The following EVC2 variants were observed in gnomAD, a reference collection of about 807,000 sequenced individuals.
The protein encoded by EVC2 is EvC ciliary complex subunit 2, also known as limbin.
In EVC2, 148 loss-of-function variants were observed where a neutral mutation model predicts 149.3. The observed-to-expected ratio is 0.99, with a 90% confidence interval of 0.87 to 1.14. The LOEUF (loss-of-function observed/expected upper bound fraction) is 1.14, where lower values mean the gene tolerates loss of function less well. Ranked by LOEUF, EVC2 falls within the 50% of genes most tolerant of loss-of-function variation. The pLI is 0.00. For missense variants in EVC2, 1,854 were observed against 1,627.3 expected, an observed-to-expected ratio of 1.14 and a Z score of -2.40; for synonymous variants, 776 against 649.9, an observed-to-expected ratio of 1.19 and a Z score of -2.95.
intron 16 of EVC2, among the ~76,000 whole-genome samples, chr4:5,591,592 G>A (rs1456534425): frequency 6.6e-6 from 1 of 152,198 alleles, no homozygotes; most frequent in African/African-American, 2.4e-5. Flanking sequence ...ATGAATAAAT[G>A]TGGGTGAAGT....
chr4:5,640,820 CA>C lies in EVC2; in HGVS notation c.1163del (p.Leu388ArgfsTer24), dbSNP rs1159674022. Reference sequence around the variant, plus strand: ...CCTCCAGATCTGCATCTGCCCGATTCAGGGTTGCAATCTCCAACCTAGGAAA... The same window carrying C: ...CCTCCAGATCTGCATCTGCCCGATTCGGGTTGCAATCTCCAACCTAGGAAA... ...QALEELEIAT[L>X]NRADADLEAC... On this transcript the variant is annotated frameshift_variant, in exon 10 of 22. Transcript: ENST00000344408. LOFTEE classifies it high-confidence loss of function. The surrounding 1 kb of genome is among the most constrained non-coding windows in gnomAD (Gnocchi z 4.6). 1 of 1,614,062 alleles carries C rather than the reference CA, an allele frequency of 6.2e-7. No homozygotes were observed. The highest frequency in any genetic ancestry group is 8.5e-7 in the Non-Finnish European group (1 of 1,180,042).
At chr4:5,573,114 C>T (rs747429397) in intron 19 of EVC2, among the ~76,000 whole-genome samples, 1 of 152,178 alleles carries the variant, frequency 6.6e-6, no homozygotes, top group African/African-American at 2.4e-5. Context: ...CCTGTTTGGA[C>T]ACTGTCACTC....
At chr4:5,706,785 T>A (rs1441315655) in intron 1 of EVC2, among the ~76,000 whole-genome samples, 1 of 151,986 alleles carries the variant, frequency 6.6e-6, no homozygotes. Flanking sequence ...GGGATGGGCG[T>A]GGGCAGGGCC....
At chr4:5,597,342 A>T (rs1182514786) in intron 16 of EVC2, among the ~76,000 whole-genome samples, 1 of 152,232 alleles carries the variant, frequency 6.6e-6, no homozygotes, top group Non-Finnish European at 1.5e-5. Flanking sequence ...AACCAAAGCC[A>T]GCAGCACATC....
At position 5,685,427 on chromosome 4, in the gene EVC2, G is replaced by A. The variant is rs746241303; in HGVS notation, c.759C>T (p.Leu253=). The A allele has an allele frequency of 1.7e-5, 27 of 1,614,078 alleles. No individual in the cohort carries two copies. The East Asian group carries it at 1.8e-4, about 11-fold the overall frequency. Residue 253 remains leucine, a synonymous_variant, in exon 6 of 22, where the codon CTC becomes CTT. Transcript: ENST00000344408. The part of the protein sequence containing the change: ...SYAATLQAGD[L]GNGESLKLPA... ...GAAGCTTGAGGCTCTCCCCGTTCCC[G>A]AGGTCTCCAGCCTGGAGCGTGGCTG...
intron 12 of EVC2, among the ~76,000 whole-genome samples, chr4:5,626,497 T>TG (rs1716127491): frequency 6.6e-6 from 1 of 151,898 alleles, no homozygotes; most frequent in African/African-American, 2.4e-5. Flanking sequence ...CCACGCCAGC[T>TG]AATTTTTTTT....
At chr4:5,688,750 C>G (rs73200124) in intron 5 of EVC2, among the ~76,000 whole-genome samples, 6 of 152,176 alleles carry the variant, frequency 3.9e-5, no homozygotes, top group African/African-American at 1.2e-4. Flanking sequence ...CACTCCCACT[C>G]TGTCCGGCAC....
chr4:5,680,369 A>G (rs191013930), intron 7 of EVC2, among the ~76,000 whole-genome samples: 1 of 152,356 alleles, frequency 6.6e-6, no homozygotes, highest in African/African-American at 2.4e-5. Context: ...CAGAATCACC[A>G]AACAGGTGAG....
intron 21 of EVC2, among the ~76,000 whole-genome samples, chr4:5,553,382 C>T (rs1163065859): frequency 6.6e-6 from 1 of 152,194 alleles, no homozygotes; most frequent in African/African-American, 2.4e-5. Context: ...CCAGGCCCCA[C>T]CTCCAACATT....
Position 5,610,796 on chromosome 4 carries a change from T to TTC in EVC2, c.2829+4625_2829+4626insGA, listed in dbSNP as rs541850871. On this transcript the variant is annotated intron_variant, in intron 16 of 21. Coordinates refer to ENST00000344408, the MANE Select transcript of EVC2 (RefSeq NM_147127.5). ...ATGTCTTGCTCCTTTTTCCTTTTCT[T>TTC]TTTTTTTTTTTTTTTGCCAAATGCC... is the stretch of plus-strand genomic sequence containing the variant. 4.4e-4 allele frequency among the ~76,000 whole-genome samples: 63 copies of TTC among 143,384 alleles called. No homozygotes were observed. The South Asian group carries it at 6.3e-3, about 14-fold the overall frequency. 94.1% of individuals were successfully genotyped at this position (143,384 alleles called of 152,430 possible).
downstream of EVC2, among the ~76,000 whole-genome samples, chr4:5,539,013 T>C (rs1316066874): frequency 6.6e-6 from 1 of 152,172 alleles, no homozygotes; most frequent in African/African-American, 2.4e-5. Context: ...TAAAACTGTC[T>C]TTATTCAACA....
At chr4:5,707,550 G>A (rs939891440) in intron 1 of EVC2, among the ~76,000 whole-genome samples, 3 of 152,062 alleles carry the variant, frequency 2.0e-5, no homozygotes, top group Non-Finnish European at 4.4e-5. Flanking sequence ...CCACCCCAGA[G>A]GTCTGGGGGA....
chr4:5,634,960 C>T (rs1274973204), intron 10 of EVC2, among the ~76,000 whole-genome samples: 1 of 151,734 alleles, frequency 6.6e-6, no homozygotes, highest in Non-Finnish European at 1.5e-5. Context: ...TCAGTCTTCC[C>T]ATCCTTTAGC....
chr4:5,571,963 C>T (rs1241888134), intron 19 of EVC2, among the ~76,000 whole-genome samples: 1 of 152,210 alleles, frequency 6.6e-6, no homozygotes, highest in Non-Finnish European at 1.5e-5. Flanking sequence ...GGGATTCGAA[C>T]TGCAACTCCT....
In EVC2 at chr4:5,622,626, C is replaced by T. The variant is rs1715777770; in HGVS notation, c.2412G>A (p.Gln804=). The T allele has an allele frequency of 6.2e-7, 1 of 1,614,066 alleles. No individual in the cohort carries two copies. Among genetic ancestry groups the T allele is most frequent in the Non-Finnish European group, 8.5e-7 (1 of 1,180,020 alleles). ...CATCCTTCAGTCTCTGCCTCACGCT[C>T]TGGACACCCTCCTGGTCCCTGTCCC... ...EERDRDQEGV[Q]SVRQRLKDDA... is the part of the protein sequence containing the mutation. Residue 804 remains glutamine, a synonymous_variant, in exon 14 of 22, where the codon CAG becomes CAA. Transcript: ENST00000344408. This position sits in a 1 kb window ranked among gnomAD's most constrained non-coding sequence, Gnocchi z 5.8.
downstream of EVC2, among the ~76,000 whole-genome samples, chr4:5,559,142 A>G (rs531591570): frequency 1.2e-3 from 176 of 152,270 alleles, no homozygotes; most frequent in African/African-American, 4.1e-3. The surrounding 1 kb of genome is among the most constrained non-coding windows in gnomAD (Gnocchi z 5.0). Flanking sequence ...TTGGAAAGTC[A>G]AGGCTGCAGT....
chr4:5,546,105 C>T (rs974758823), intron 21 of EVC2, among the ~76,000 whole-genome samples: 1 of 152,174 alleles, frequency 6.6e-6, no homozygotes, highest in Non-Finnish European at 1.5e-5. Flanking sequence ...AACACTTTTA[C>T]ACTGTTGGTG....
downstream of EVC2, among the ~76,000 whole-genome samples, chr4:5,558,340 T>C (rs553433935): frequency 6.6e-6 from 1 of 152,242 alleles, no homozygotes; most frequent in African/African-American, 2.4e-5. Flanking sequence ...AGTAAAATGA[T>C]CAGTGACTGC....
At chr4:5,562,393 T>C, downstream of EVC2, 2 of 945,914 alleles carry the variant, frequency 2.1e-6, no homozygotes, top group Non-Finnish European at 2.6e-6. This position sits in a 1 kb window ranked among gnomAD's most constrained non-coding sequence, Gnocchi z 4.3. Flanking sequence ...TAATTTCAAA[T>C]AAATGCTTCC....
Sources: allele counts gnomAD v4.1 joint callset (sites outside exome capture counted in the v4.1 genomes callset), GRCh38; gene constraint gnomAD v4.1.1; non-coding constraint Gnocchi (gnomAD v3.1); transcripts MANE v1.5; gene names NCBI Gene and HGNC (gene_info 2026-07-23, HGNC 2026-07-21).